RAP1GDS1: variants seen among roughly 807,000 people sequenced by gnomAD.
RAP1GDS1 encodes RAP1, GTP-GDP dissociation stimulator 1.
In RAP1GDS1, 35 loss-of-function variants were observed where a neutral mutation model predicts 71.1. The ratio of observed to expected loss-of-function variants is 0.49; its 90% CI spans 0.38 to 0.65. RAP1GDS1 has a LOEUF of 0.65. RAP1GDS1 is among the 30% of genes least tolerant of loss of function. The pLI, the probability that RAP1GDS1 is intolerant of heterozygous loss-of-function variation, is 0.00. For synonymous variants in RAP1GDS1, 229 were observed against 243.1 expected, an observed-to-expected ratio of 0.94 and a Z score of 0.54; for missense variants, 663 against 706.1, an observed-to-expected ratio of 0.94 and a Z score of 0.69.
intron 1 of RAP1GDS1, among the ~76,000 whole-genome samples, chr4:98,288,068 A>G (rs938681152): frequency 7.2e-5 from 11 of 152,082 alleles, no homozygotes; most frequent in African/African-American, 2.7e-4. Flanking sequence ...TTTAGGGTAC[A>G]TGTGCACAAC....
In RAP1GDS1 at chr4:98,349,498, G is replaced by A. The variant is rs868752301; in HGVS notation, c.236-2978G>A. On this transcript the variant is annotated intron_variant, in intron 3 of 14. Transcript: ENST00000408927. ...CTTTAAGGTAGTTTTTTCCAATTCT[G>A]TGAAGGAAGTCATTGGTAGCTTGAT... Among the ~76,000 whole-genome samples the A allele has an allele frequency of 3.9e-5, 6 of 152,170 alleles. No homozygotes were observed. The South Asian group carries it at 6.2e-4, about 16-fold the overall frequency.
Position 98,442,398 on chromosome 4 carries a change from G to T in RAP1GDS1, c.*281G>T. On this transcript the variant is annotated 3_prime_UTR_variant, in exon 15 of 15. Transcript: ENST00000408927. ...AATGTGCATGTTGTAGTCCTATGAT[G>T]ATGTAAACTTGGTACTACATAATGA... 1 of 306,046 alleles carries T rather than the reference G, an allele frequency of 3.3e-6. No homozygotes were observed. Among genetic ancestry groups the T allele is most frequent in the Admixed American group, 4.7e-5 (1 of 21,276 alleles). The allele number at this position is 306,046 out of a possible 1,614,324, so 19.0% of individuals were successfully genotyped here. A position where few individuals can be genotyped will look rare whatever the true frequency, so the allele number is the denominator to read the frequency against.
At chr4:98,427,217 C>T (rs1749739991) in intron 12 of RAP1GDS1, among the ~76,000 whole-genome samples, 1 of 152,046 alleles carries the variant, frequency 6.6e-6, no homozygotes, top group Admixed American at 6.5e-5. Context: ...TGACATACCT[C>T]AATATAATAA....
At chr4:98,414,550 G>C (rs1747618485) in intron 7 of RAP1GDS1, among the ~76,000 whole-genome samples, 1 of 150,760 alleles carries the variant, frequency 6.6e-6, no homozygotes, top group Admixed American at 6.6e-5. Context: ...ATTTCTGAGG[G>C]CTCTGTTCTG....
At chr4:98,441,246 C>A in intron 14 of RAP1GDS1, 1 of 743,076 alleles carries the variant, frequency 1.3e-6, no homozygotes, top group Non-Finnish European at 1.6e-6. Flanking sequence ...TTACATTAAG[C>A]TTATTAGACT....
chr4:98,412,679 A>G (rs928479020), intron 7 of RAP1GDS1, among the ~76,000 whole-genome samples: 5 of 152,162 alleles, frequency 3.3e-5, no homozygotes, highest in Admixed American at 6.5e-5. Context: ...CAATATTTCA[A>G]TGTATGTTCT....
chr4:98,433,843 G>T, intron 12 of RAP1GDS1, 93 bp from the exon 13 acceptor site: 2 of 1,283,904 alleles, frequency 1.6e-6, no homozygotes, highest in Non-Finnish European at 2.2e-6. Flanking sequence ...GGACACTGTC[G>T]CAAAACCACT....
chr4:98,420,333 A>G (rs1184262126), intron 11 of RAP1GDS1, among the ~76,000 whole-genome samples, 189 bp downstream of exon 11: 1 of 150,046 alleles, frequency 6.7e-6, no homozygotes, highest in Non-Finnish European at 1.5e-5. Context: ...TTATTTATAC[A>G]TATTATTTAT....
chr4:98,438,041 T>G (rs1751384630), intron 14 of RAP1GDS1, among the ~76,000 whole-genome samples: 1 of 152,098 alleles, frequency 6.6e-6, no homozygotes, highest in African/African-American at 2.4e-5. Context: ...CCACTGTAGA[T>G]TTACCTATTT....
At chr4:98,371,232 C>G (rs1490289116) in intron 4 of RAP1GDS1, among the ~76,000 whole-genome samples, 1 of 151,520 alleles carries the variant, frequency 6.6e-6, no homozygotes, top group Admixed American at 6.6e-5. Context: ...CCTGCCTCAG[C>G]CTCCTGAGTA....
chr4:98,280,743 G>A (rs575524885), intron 1 of RAP1GDS1, among the ~76,000 whole-genome samples: 15 of 152,232 alleles, frequency 9.9e-5, no homozygotes, highest in African/African-American at 3.6e-4. Context: ...ATGGTTTTAG[G>A]TCTAACATTT....
chr4:98,356,215 A>G (rs1349244186), intron 4 of RAP1GDS1, among the ~76,000 whole-genome samples: 2 of 152,168 alleles, frequency 1.3e-5, no homozygotes, highest in African/African-American at 4.8e-5. Flanking sequence ...AAAGCGCAGT[A>G]GTATTATATT....
chr4:98,442,857 G>A lies in RAP1GDS1; in HGVS notation c.*740G>A, dbSNP rs778627702. ...TACAATCCCTATTACAGAGCATTTC[G>A]GGTTTTGCTTGTATTTTAGATTCTG... On this transcript the variant is annotated 3_prime_UTR_variant, in exon 15 of 15. Coordinates refer to ENST00000408927, the MANE Select transcript of RAP1GDS1 (RefSeq NM_001100427.2). 8.7e-6 allele frequency: 2 copies of A among 230,694 alleles called. No individual in the cohort carries two copies. The highest frequency in any genetic ancestry group is 2.2e-5 in the African/African-American group (1 of 45,166). The allele number at this position is 230,694 out of a possible 1,614,324, so 14.3% of individuals were successfully genotyped here. A position where few individuals can be genotyped will look rare whatever the true frequency, so the allele number is the denominator to read the frequency against.
At chr4:98,317,735 GATAGTTTTT>G (rs1731151481) in intron 2 of RAP1GDS1, among the ~76,000 whole-genome samples, 1 of 151,994 alleles carries the variant, frequency 6.6e-6, no homozygotes, top group Non-Finnish European at 1.5e-5. Flanking sequence ...TGGAGAGGGA[GATAGTTTTT>G]TGGTGAGCAT....
At chr4:98,289,010 G>T (rs1255360395) in intron 1 of RAP1GDS1, among the ~76,000 whole-genome samples, 1 of 152,048 alleles carries the variant, frequency 6.6e-6, no homozygotes, top group Non-Finnish European at 1.5e-5. Context: ...AGATCAAGAG[G>T]CATGATTTTT....
At chr4:98,413,596 C>G (rs916158580) in intron 7 of RAP1GDS1, among the ~76,000 whole-genome samples, 18 of 151,402 alleles carry the variant, frequency 1.2e-4, no homozygotes, top group African/African-American at 2.2e-4. Context: ...ATATGTGCCA[C>G]ATTTTCTTAA....
At chr4:98,421,109 A>AC in intron 11 of RAP1GDS1, 146 bp from the exon 12 acceptor site, 2 of 830,334 alleles carry the variant, frequency 2.4e-6, no homozygotes, top group Non-Finnish European at 3.5e-6. Context: ...ATAGCCCATC[A>AC]CATAAGGAAT....
chr4:98,379,842 A>T (rs1741727473), intron 5 of RAP1GDS1, among the ~76,000 whole-genome samples: 1 of 151,890 alleles, frequency 6.6e-6, no homozygotes, highest in Non-Finnish European at 1.5e-5. Flanking sequence ...CACTGTGTGG[A>T]TCAGACATTC....
At chr4:98,289,242 A>G (rs1226708244) in intron 1 of RAP1GDS1, among the ~76,000 whole-genome samples, 2 of 152,132 alleles carry the variant, frequency 1.3e-5, no homozygotes, top group Non-Finnish European at 2.9e-5. Context: ...CATGTTTATC[A>G]AGGTATAAAC....
Sources: allele counts gnomAD v4.1 joint callset (sites outside exome capture counted in the v4.1 genomes callset), GRCh38; gene constraint gnomAD v4.1.1; transcripts MANE v1.5; gene names NCBI Gene and HGNC (gene_info 2026-07-23, HGNC 2026-07-21).